PPM1D: variants seen among roughly 807,000 people sequenced by gnomAD.
The protein encoded by PPM1D is protein phosphatase, Mg2+/Mn2+ dependent 1D.
In PPM1D, 52 loss-of-function variants were observed where a neutral mutation model predicts 58.3. That is an observed-to-expected ratio of 0.89 (90% CI 0.71 to 1.12). The LOEUF (loss-of-function observed/expected upper bound fraction) is 1.12. Among genes scored for constraint, PPM1D ranks in the 50% most tolerant of loss-of-function variants. The pLI is 0.00. For synonymous variants in PPM1D, 278 were observed against 285.1 expected, an observed-to-expected ratio of 0.98 and a Z score of 0.25; for missense variants, 564 against 777.2, an observed-to-expected ratio of 0.73 and a Z score of 3.26.
chr17:60,629,004 A>G (rs2030868198), intron 2 of PPM1D, among the ~76,000 whole-genome samples: 1 of 152,228 alleles, frequency 6.6e-6, no homozygotes, highest in Non-Finnish European at 1.5e-5. Context: ...GAATAATTAT[A>G]CATCTTTTCA....
chr17:60,651,874 AAATT>A (rs1266043364), intron 4 of PPM1D, among the ~76,000 whole-genome samples: 1 of 152,208 alleles, frequency 6.6e-6, no homozygotes, highest in East Asian at 1.9e-4. Flanking sequence ...AATAGAGCAG[AAATT>A]AATTATTTAG....
intron 1 of PPM1D, among the ~76,000 whole-genome samples, chr17:60,617,161 G>A (rs967648784): frequency 3.3e-5 from 5 of 150,760 alleles, no homozygotes; most frequent in Admixed American, 1.3e-4. Flanking sequence ...ACAGAATGTG[G>A]CTGTGTTCCC....
chr17:60,619,424 T>C (rs1164585982), intron 1 of PPM1D, among the ~76,000 whole-genome samples: 1 of 152,168 alleles, frequency 6.6e-6, no homozygotes, highest in East Asian at 1.9e-4. Context: ...CTGAGTCATA[T>C]GGTACTTCTA....
At position 60,663,352 on chromosome 17, in the gene PPM1D, G is replaced by T. The variant is rs751126916; in HGVS notation, c.1618G>T (p.Glu540Ter). ...AACAAACTTTAAAAGGACATTAGAAGAGTCCAATTCTGGCCCCCTGATGAA... is the reference window on the plus strand; with the variant it reads ...AACAAACTTTAAAAGGACATTAGAATAGTCCAATTCTGGCCCCCTGATGAA... Reference protein sequence around the residue: ...PPTNFKRTLEESNSGPLMKKH... With the variant: ...PPTNFKRTLE Residue 540 changes from glutamate (E) to a stop codon, truncating the protein, a stop_gained, in exon 6 of 6, where the codon GAG (glutamate) becomes TAG (stop). Transcript: ENST00000305921. LOFTEE classifies it high-confidence loss of function. 1 of 1,614,178 alleles carries T rather than the reference G, an allele frequency of 6.2e-7. No homozygotes were observed. Among genetic ancestry groups the T allele is most frequent in the Non-Finnish European group, 8.5e-7 (1 of 1,180,034 alleles).
intron 1 of PPM1D, among the ~76,000 whole-genome samples, chr17:60,602,779 GAAAA>G (rs34932283): frequency 2.3e-4 from 22 of 95,736 alleles, no homozygotes; most frequent in African/African-American, 4.2e-4. Context: ...CTCAAAGCTT[GAAAA>G]AAAAAAAAAA....
At chr17:60,650,977 G>C (rs1047766275) in intron 4 of PPM1D, among the ~76,000 whole-genome samples, 2 of 152,106 alleles carry the variant, frequency 1.3e-5, no homozygotes, top group Admixed American at 1.3e-4. Context: ...ATAAAAACTT[G>C]GGAGGGAAGC....
intron 1 of PPM1D, among the ~76,000 whole-genome samples, chr17:60,610,963 T>A (rs137941545): frequency 6.6e-6 from 1 of 152,236 alleles, no homozygotes; most frequent in African/African-American, 2.4e-5. Context: ...GTGGTGAAAT[T>A]ATATCTTATT....
intron 1 of PPM1D, among the ~76,000 whole-genome samples, chr17:60,622,266 T>C (rs888548260): frequency 1.3e-5 from 2 of 152,164 alleles, no homozygotes; most frequent in African/African-American, 4.8e-5. Flanking sequence ...ATTACAAGTC[T>C]GCATTTTTAT....
intron 1 of PPM1D, among the ~76,000 whole-genome samples, chr17:60,622,023 TAA>T (rs994250437): frequency 2.0e-5 from 3 of 150,878 alleles, no homozygotes; most frequent in Non-Finnish European, 4.4e-5. Flanking sequence ...CCGTCTCTAC[TAA>T]AAAAATACAA....
At chr17:60,630,809 GCCTTA>G (rs1307519420) in intron 2 of PPM1D, among the ~76,000 whole-genome samples, 2 of 152,172 alleles carry the variant, frequency 1.3e-5, no homozygotes, top group Non-Finnish European at 2.9e-5. Context: ...TAGGTACTAA[GCCTTA>G]CCTTGTAAGG....
chr17:60,602,063 A>G (rs2030225698), intron 1 of PPM1D, among the ~76,000 whole-genome samples: 1 of 152,230 alleles, frequency 6.6e-6, no homozygotes. Flanking sequence ...AGCCGGTTTC[A>G]AAGTCTGTTT....
At chr17:60,652,422 ATTTGGACTG>A (rs2031361297) in intron 4 of PPM1D, among the ~76,000 whole-genome samples, 1 of 152,066 alleles carries the variant, frequency 6.6e-6, no homozygotes, top group African/African-American at 2.4e-5. Flanking sequence ...ATGATTCCAT[ATTTGGACTG>A]TTGTGAATAG....
At chr17:60,659,070 C>T (rs910464906) in intron 5 of PPM1D, among the ~76,000 whole-genome samples, 1 of 152,168 alleles carries the variant, frequency 6.6e-6, no homozygotes, top group African/African-American at 2.4e-5. Flanking sequence ...AACCCATTGG[C>T]CCTGCCCAAA....
At chr17:60,614,850 C>T (rs537496033) in intron 1 of PPM1D, among the ~76,000 whole-genome samples, 3 of 152,140 alleles carry the variant, frequency 2.0e-5, no homozygotes, top group South Asian at 2.1e-4. Flanking sequence ...GAAGAAACTC[C>T]GAACACATCC....
intron 1 of PPM1D, among the ~76,000 whole-genome samples, chr17:60,610,129 G>A (rs1055005131): frequency 4.0e-5 from 6 of 149,458 alleles, no homozygotes; most frequent in African/African-American, 7.5e-5. Context: ...GCAGTGAGCC[G>A]AGATCGTGCC....
chr17:60,610,462 T>A (rs1567964745), intron 1 of PPM1D, among the ~76,000 whole-genome samples: 1 of 152,232 alleles, frequency 6.6e-6, no homozygotes, highest in Non-Finnish European at 1.5e-5. Flanking sequence ...ATATTTAGTT[T>A]TACAACTATT....
At chr17:60,643,989 A>C (rs958837191) in intron 3 of PPM1D, among the ~76,000 whole-genome samples, 2 of 148,236 alleles carry the variant, frequency 1.3e-5, no homozygotes, top group African/African-American at 2.5e-5. Flanking sequence ...GGGTCAAGCA[A>C]TTCTTCTGCC....
Position 60,648,622 on chromosome 17 carries a change from C to T in PPM1D, c.1017+540C>T, listed in dbSNP as rs1328386022. Among the ~76,000 whole-genome samples the T allele has an allele frequency of 4.6e-5, 7 of 152,154 alleles. No homozygotes were observed. The South Asian group carries it at 6.2e-4, about 14-fold the overall frequency. On this transcript the variant is annotated intron_variant, in intron 4 of 5. Transcript: ENST00000305921. ...ATGGTCTCGATCTGACCTCGTGATC[C>T]GCCTGCCTTGGCCTCCCAAAGTGCT...
At chr17:60,660,755 G>A (rs1346748866) in intron 5 of PPM1D, among the ~76,000 whole-genome samples, 1 of 151,212 alleles carries the variant, frequency 6.6e-6, no homozygotes, top group African/African-American at 2.4e-5. Context: ...AGCAAGACTC[G>A]GCCTCAAAAA....
Sources: gnomAD v4.1 joint callset for allele counts (sites outside exome capture counted in the v4.1 genomes callset) on GRCh38, gnomAD v4.1.1 for gene constraint, MANE v1.5 for transcripts, NCBI Gene and HGNC (gene_info 2026-07-23, HGNC 2026-07-21) for gene names.